PAK1: variants seen among roughly 807,000 people sequenced by gnomAD.
PAK1 encodes serine/threonine-protein kinase PAK 1.
A neutral mutation model predicts 67.4 loss-of-function variants in PAK1; 29 were observed. The observed-to-expected ratio is 0.43, with a 90% CI of 0.32 to 0.59. The LOEUF is 0.59. Ranked by LOEUF, PAK1 falls within the 20% of genes least tolerant of loss-of-function variation. The pLI, the probability that PAK1 is intolerant of heterozygous loss-of-function variation, is 0.07. For missense variants in PAK1, 337 were observed against 670.7 expected (o/e 0.50, Z 5.50); for synonymous variants, 223 against 237.4 (o/e 0.94, Z 0.56).
chr11:77,516,206 C>T, the PAK1 span, among the ~76,000 whole-genome samples: 1 of 152,202 alleles, frequency 6.6e-6, no homozygotes, highest in Non-Finnish European at 1.5e-5. Flanking sequence ...ACTGGACACA[C>T]AGTGTGCATT....
At chr11:77,508,070 G>A in the PAK1 span, among the ~76,000 whole-genome samples, 3 of 151,958 alleles carry the variant, frequency 2.0e-5, no homozygotes, top group African/African-American at 7.3e-5. Flanking sequence ...ACTTTCATCA[G>A]TTCTTAATTT....
chr11:77,418,409 T>C (rs561738471), intron 1 of PAK1, among the ~76,000 whole-genome samples: 1 of 152,242 alleles, frequency 6.6e-6, no homozygotes, highest in Non-Finnish European at 1.5e-5. Context: ...CAAAACATAG[T>C]GGAACTATCA....
At chr11:77,335,544 GACC>G (rs1020441175) in intron 13 of PAK1, among the ~76,000 whole-genome samples, 1 of 152,004 alleles carries the variant, frequency 6.6e-6, no homozygotes. Context: ...TCCTGAATCT[GACC>G]ACTTCTCACT....
Position 77,346,069 on chromosome 11 carries a change from G to A in PAK1, c.886-2138C>T, listed in dbSNP as rs180755722. Reference sequence around the variant, plus strand: ...GCTCACTGCAACCTCTGCCCCCAGGGTTCAAGTGATTCTCCTGCCTCAGCC... The same window carrying A: ...GCTCACTGCAACCTCTGCCCCCAGGATTCAAGTGATTCTCCTGCCTCAGCC... On this transcript the variant is annotated intron_variant, in intron 9 of 14. Coordinates refer to ENST00000356341, the MANE Select transcript of PAK1 (RefSeq NM_002576.5). Among the ~76,000 whole-genome samples the A allele has an allele frequency of 7.8e-3, 1,188 of 152,306 alleles. 6 individuals carry two copies. Among genetic ancestry groups the A allele is most frequent in the Non-Finnish European group, 0.012 (812 of 68,020 alleles).
the PAK1 span, among the ~76,000 whole-genome samples, chr11:77,490,294 C>G: frequency 1.7e-3 from 149 of 87,540 alleles, 3 homozygotes; most frequent in African/African-American, 7.1e-3. Context: ...GGGTCAGCCC[C>G]CCCACCCGGC....
At chr11:77,429,640 C>T (rs947595080) in intron 1 of PAK1, among the ~76,000 whole-genome samples, 1 of 152,128 alleles carries the variant, frequency 6.6e-6, no homozygotes, top group Non-Finnish European at 1.5e-5. Flanking sequence ...TGATATTCTA[C>T]AAAATAATTG....
At chr11:77,352,064 C>T (rs1212778082) in intron 8 of PAK1, among the ~76,000 whole-genome samples, 3 of 151,886 alleles carry the variant, frequency 2.0e-5, no homozygotes, top group Admixed American at 1.3e-4. Context: ...TATTATCATA[C>T]ATTAGTTTTG....
At chr11:77,432,185 GA>G (rs1358571542) in intron 1 of PAK1, among the ~76,000 whole-genome samples, 1 of 151,868 alleles carries the variant, frequency 6.6e-6, no homozygotes, top group Non-Finnish European at 1.5e-5. Flanking sequence ...ACAATAAAGG[GA>G]AAAAGCCATA....
At chr11:77,350,658 AG>A (rs1945114800) in intron 8 of PAK1, among the ~76,000 whole-genome samples, 1 of 152,198 alleles carries the variant, frequency 6.6e-6, no homozygotes. Context: ...TTATAATTCC[AG>A]GTCAATCCAG....
intron 1 of PAK1, among the ~76,000 whole-genome samples, chr11:77,413,216 AT>A (rs1954741953): frequency 6.6e-6 from 1 of 152,200 alleles, no homozygotes; most frequent in Non-Finnish European, 1.5e-5. Flanking sequence ...TCTAACTTAC[AT>A]TTTTTAAAAG....
intron 1 of PAK1, among the ~76,000 whole-genome samples, chr11:77,463,478 G>A (rs111825340): frequency 0.032 from 4,825 of 152,250 alleles, 127 homozygotes; most frequent in African/African-American, 0.073. Flanking sequence ...GTCTTTGAGA[G>A]GGTCCACCTA....
intron 1 of PAK1, among the ~76,000 whole-genome samples, chr11:77,397,492 T>C (rs892067675): frequency 2.6e-5 from 4 of 152,188 alleles, no homozygotes; most frequent in African/African-American, 4.8e-5. Context: ...GACTTAATAC[T>C]GGTCAAGAGG....
At chr11:77,330,828 C>T (rs1391012898) in intron 14 of PAK1, among the ~76,000 whole-genome samples, 16 of 151,986 alleles carry the variant, frequency 1.1e-4, no homozygotes, top group Admixed American at 6.6e-4. Flanking sequence ...CAAAAGAAAC[C>T]ACCATCAGAG....
At chr11:77,480,401 T>G in the PAK1 span, among the ~76,000 whole-genome samples, 1 of 152,152 alleles carries the variant, frequency 6.6e-6, no homozygotes, top group African/African-American at 2.4e-5. Context: ...CCATCTAAAT[T>G]TTCTGTATTT....
chr11:77,444,301 A>AAAAAC (rs1956496286), intron 1 of PAK1, among the ~76,000 whole-genome samples: 1 of 151,534 alleles, frequency 6.6e-6, no homozygotes, highest in Non-Finnish European at 1.5e-5. Context: ...AAAAAAAAAA[A>AAAAAC]AAAACCCGAC....
At chr11:77,465,756 C>T (rs1283075851) in intron 1 of PAK1, among the ~76,000 whole-genome samples, 2 of 151,730 alleles carry the variant, frequency 1.3e-5, no homozygotes, top group African/African-American at 4.8e-5. Flanking sequence ...TTGAGTCCAG[C>T]CTGGGCAACA....
intron 10 of PAK1, among the ~76,000 whole-genome samples, chr11:77,341,134 T>C (rs891792377): frequency 3.3e-5 from 5 of 152,092 alleles, no homozygotes; most frequent in Non-Finnish European, 4.4e-5. Context: ...TTGACAAAGA[T>C]AGGATTTAGA....
the PAK1 span, among the ~76,000 whole-genome samples, chr11:77,527,039 T>C: frequency 6.6e-6 from 1 of 152,212 alleles, no homozygotes; most frequent in Non-Finnish European, 1.5e-5. Context: ...TTTAAATCTA[T>C]TGTAAAAACC....
chr11:77,403,831 G>A (rs1393643848), intron 1 of PAK1, among the ~76,000 whole-genome samples: 1 of 152,146 alleles, frequency 6.6e-6, no homozygotes, highest in African/African-American at 2.4e-5. Context: ...TTCAAGTATT[G>A]GAAACTTAAT....
Sources: gnomAD v4.1 joint callset for allele counts (sites outside exome capture counted in the v4.1 genomes callset) on GRCh38, gnomAD v4.1.1 for gene constraint, MANE v1.5 for transcripts, NCBI Gene and HGNC (gene_info 2026-07-23, HGNC 2026-07-21) for gene names.